The following ZMAT3 variants were observed in gnomAD, a reference collection of about 807,000 sequenced individuals.
The protein encoded by ZMAT3 is zinc finger matrin-type 3.
In ZMAT3, 17 loss-of-function variants were observed where a neutral mutation model predicts 32.3. The observed-to-expected ratio is 0.53, with a 90% CI of 0.36 to 0.79. ZMAT3 has a LOEUF of 0.79. Ranked by LOEUF, ZMAT3 falls within the 30% of genes least tolerant of loss-of-function variation. ZMAT3 has a pLI of 0.00. For synonymous variants in ZMAT3, 120 were observed against 133.1 expected, an observed-to-expected ratio of 0.90 and a Z score of 0.68; for missense variants, 329 against 359.7, an observed-to-expected ratio of 0.91 and a Z score of 0.69.
chr3:179,070,352 G>A (rs2108595523), intron 1 of ZMAT3, among the ~76,000 whole-genome samples: 1 of 152,224 alleles, frequency 6.6e-6, no homozygotes, highest in East Asian at 1.9e-4. Flanking sequence ...CTGATTTAAA[G>A]AAAAAATTCT....
At chr3:179,029,276 T>G (rs1245249984) in intron 3 of ZMAT3, among the ~76,000 whole-genome samples, 1 of 152,190 alleles carries the variant, frequency 6.6e-6, no homozygotes, top group African/African-American at 2.4e-5. Context: ...CTGAAACTGC[T>G]GACCTATGGA....
intron 2 of ZMAT3, among the ~76,000 whole-genome samples, chr3:179,066,325 G>A (rs1721415786): frequency 6.6e-6 from 1 of 152,080 alleles, no homozygotes; most frequent in Non-Finnish European, 1.5e-5. Context: ...TGCACCTGAG[G>A]GCAAAACAAA....
intron 3 of ZMAT3, among the ~76,000 whole-genome samples, chr3:179,029,451 AT>A (rs917775943): frequency 1.3e-5 from 2 of 152,100 alleles, no homozygotes; most frequent in East Asian, 1.9e-4. Flanking sequence ...CTTTCATGGA[AT>A]TTTTTTAATT....
At chr3:179,029,495 G>T (rs184171913) in intron 3 of ZMAT3, among the ~76,000 whole-genome samples, 1 of 151,434 alleles carries the variant, frequency 6.6e-6, no homozygotes, top group Non-Finnish European at 1.5e-5. Context: ...AGATAGTCTC[G>T]CTCTGTCACC....
At position 179,048,582 on chromosome 3, in the gene ZMAT3, A is replaced by G. The variant is rs115983491; in HGVS notation, c.271-17583T>C. Among the ~76,000 whole-genome samples the G allele has an allele frequency of 4.0e-3, 613 of 152,358 alleles. 5 individuals carry two copies. The highest frequency in any genetic ancestry group is 0.014 in the African/African-American group (591 of 41,578). On this transcript the variant is annotated intron_variant, in intron 2 of 5. Transcript: ENST00000311417. ...AAACTAAGCTGCATAAATGAAGGAA[A>G]GATACTGTCTTTGTCAGACAAAAAA...
intron 2 of ZMAT3, among the ~76,000 whole-genome samples, chr3:179,033,959 C>T (rs1436296074): frequency 1.3e-5 from 2 of 152,190 alleles, no homozygotes; most frequent in Non-Finnish European, 2.9e-5. Context: ...AGCATGATGG[C>T]TTCAAGATGC....
Position 179,064,383 on chromosome 3 carries a change from A to G in ZMAT3, c.270+3100T>C, listed in dbSNP as rs538873443. On this transcript the variant is annotated intron_variant, in intron 2 of 5. Transcript: ENST00000311417. ...TAAACCACTTTATTAGTCTACAATCATTGGCATTCTACTTATTCCTGTGCT... is the reference window on the plus strand; with the variant it reads ...TAAACCACTTTATTAGTCTACAATCGTTGGCATTCTACTTATTCCTGTGCT... Among the ~76,000 whole-genome samples, 7 of 152,288 alleles carry G rather than the reference A, an allele frequency of 4.6e-5. No homozygotes were observed. In the South Asian group the frequency reaches 1.2e-3, roughly 27 times the overall value.
intron 2 of ZMAT3, among the ~76,000 whole-genome samples, chr3:179,042,915 C>A (rs1297459720): frequency 6.6e-6 from 1 of 152,160 alleles, no homozygotes; most frequent in Non-Finnish European, 1.5e-5. Flanking sequence ...CACAAGCACT[C>A]CTATACACCA....
At position 179,068,686 on chromosome 3, in the gene ZMAT3, AAT is replaced by A. The variant is rs543211338; in HGVS notation, c.-57-879_-57-878del. ...CCTAAAGTATGACAGAAATAAATAAAATATGTTCCTTCTGATCAACTAGCAAT... is the reference window on the plus strand; with the variant it reads ...CCTAAAGTATGACAGAAATAAATAAAATGTTCCTTCTGATCAACTAGCAAT... On this transcript the variant is annotated intron_variant, in intron 1 of 5. Coordinates refer to ENST00000311417, the MANE Select transcript of ZMAT3 (RefSeq NM_022470.4). Among the ~76,000 whole-genome samples the A allele has an allele frequency of 1.6e-3, 248 of 152,320 alleles. 1 individual carries two copies. The highest frequency in any genetic ancestry group is 5.6e-3 in the African/African-American group (232 of 41,564).
chr3:179,049,774 C>T (rs1276008464), intron 2 of ZMAT3, among the ~76,000 whole-genome samples: 1 of 151,942 alleles, frequency 6.6e-6, no homozygotes, highest in African/African-American at 2.4e-5. Flanking sequence ...AGGCGGATCA[C>T]GAGGTCAAGA....
chr3:179,062,190 CA>C (rs1721184406), intron 2 of ZMAT3, among the ~76,000 whole-genome samples: 1 of 151,954 alleles, frequency 6.6e-6, no homozygotes, highest in Non-Finnish European at 1.5e-5. Flanking sequence ...ATCATGGTGA[CA>C]ATGGAAAGGA....
intron 1 of ZMAT3, among the ~76,000 whole-genome samples, chr3:179,068,321 A>G (rs966710192): frequency 1.3e-5 from 2 of 152,100 alleles, no homozygotes; most frequent in African/African-American, 4.8e-5. Context: ...AGCCTGTTCA[A>G]GACAACATGG....
intron 2 of ZMAT3, among the ~76,000 whole-genome samples, chr3:179,065,965 C>T (rs1283013960): frequency 1.3e-5 from 2 of 152,026 alleles, no homozygotes; most frequent in Non-Finnish European, 2.9e-5. Context: ...GTGGGTTTGC[C>T]CCCAAGTTAA....
rs186257473 is a variant in ZMAT3 at position 179,030,903 on chromosome 3, G to C, written c.367C>G (p.Pro123Ala). The change falls in exon 3 of 6, where the codon CCA becomes GCA. Residue 123 changes from proline to alanine, a missense_variant. Pro to Ala is a conservative substitution (Grantham distance 27, BLOSUM62 -1). Coordinates refer to ENST00000311417, the MANE Select transcript of ZMAT3 (RefSeq NM_022470.4). ...ACCTGCGGAGGGACTGGAACAACTG[G>C]AGTAGCTGCAGGCTCGACCACATTG... is the stretch of plus-strand genomic sequence containing the variant. ...MSNVVEPAAT[P>A]VVPVPPQMGS... is the part of the protein sequence containing the mutation. The C allele has an allele frequency of 1.2e-5, 19 of 1,613,598 alleles. 1 individual carries two copies. In the South Asian group the frequency reaches 1.9e-4, roughly 16 times the overall value.
chr3:179,056,365 G>T (rs561322592), intron 2 of ZMAT3, among the ~76,000 whole-genome samples: 1 of 152,218 alleles, frequency 6.6e-6, no homozygotes, highest in East Asian at 1.9e-4. Context: ...TGGCCCTCAG[G>T]CAAGCAGACT....
In ZMAT3 at chr3:179,067,592, G is replaced by A. The variant is rs893943065; in HGVS notation, c.161C>T (p.Ser54Leu). 24 of 1,613,984 alleles carry A rather than the reference G, an allele frequency of 1.5e-5. No individual in the cohort carries two copies. The highest frequency in any genetic ancestry group is 3.3e-5 in the South Asian group (3 of 91,084). The change falls in exon 2 of 6, where the codon TCG becomes TTG. Residue 54 changes from serine (S) to leucine (L), a missense_variant. Transcript: ENST00000311417. ...GGCACAGTCTTGCTCCCCTCCCTTC[G>A]ATAACTCTTCTTCCCCTGCAAGAGG... The part of the protein sequence containing the change: ...SLPLAGEEEL[S>L]KGGEQDCALE...
chr3:179,034,402 C>T (rs1560087110), intron 2 of ZMAT3, among the ~76,000 whole-genome samples: 2 of 152,206 alleles, frequency 1.3e-5, no homozygotes. Flanking sequence ...CTTCTTGAAA[C>T]ATTCCTCCTA....
chr3:179,060,175 G>T (rs1721079310), intron 2 of ZMAT3, among the ~76,000 whole-genome samples: 1 of 151,760 alleles, frequency 6.6e-6, no homozygotes, highest in Non-Finnish European at 1.5e-5. Context: ...TTCAATATGA[G>T]ATTAGAAGTC....
intron 2 of ZMAT3, among the ~76,000 whole-genome samples, chr3:179,066,189 G>T (rs963482621): frequency 5.9e-5 from 9 of 152,116 alleles, no homozygotes; most frequent in Non-Finnish European, 1.2e-4. Flanking sequence ...AACTGTACTG[G>T]ACAGCAAGGT....
Sources: gnomAD v4.1 joint callset for allele counts (sites outside exome capture counted in the v4.1 genomes callset) on GRCh38, gnomAD v4.1.1 for gene constraint, MANE v1.5 for transcripts, NCBI Gene and HGNC (gene_info 2026-07-23, HGNC 2026-07-21) for gene names.